FGF14: variants seen among roughly 807,000 people sequenced by gnomAD.
The protein encoded by FGF14 is fibroblast growth factor homologous factor 4.
FGF14 carries 5 observed loss-of-function variants against 25.5 expected under a neutral mutation model. The observed-to-expected ratio is 0.20, with a 90% CI of 0.10 to 0.41. The LOEUF is 0.41. FGF14 is among the 10% of genes least tolerant of loss of function. The pLI is 1.00. For synonymous variants in FGF14, 138 were observed against 118.3 expected, an observed-to-expected ratio of 1.17 and a Z score of -1.08; for missense variants, 222 against 320.1, an observed-to-expected ratio of 0.69 and a Z score of 2.34.
intron 3 of FGF14, among the ~76,000 whole-genome samples, chr13:101,859,559 C>G (rs1566328603): frequency 6.6e-6 from 1 of 152,094 alleles, no homozygotes; most frequent in Non-Finnish European, 1.5e-5. Flanking sequence ...ATACCAAGAG[C>G]TCTACTCCTC....
chr13:101,971,694 T>C (rs1566514618), intron 1 of FGF14, among the ~76,000 whole-genome samples: 1 of 152,196 alleles, frequency 6.6e-6, no homozygotes, highest in South Asian at 2.1e-4. Flanking sequence ...TTTGAAGTAG[T>C]TATTATCACT....
chr13:101,925,557 T>C (rs1439859460), intron 1 of FGF14, among the ~76,000 whole-genome samples: 12 of 152,218 alleles, frequency 7.9e-5, no homozygotes, highest in Non-Finnish European at 1.5e-5. Flanking sequence ...TGTAATCTAC[T>C]TCTAAAAGAT....
chr13:102,193,169 C>A (rs981920977), intron 1 of FGF14, among the ~76,000 whole-genome samples: 1 of 152,088 alleles, frequency 6.6e-6, no homozygotes, highest in African/African-American at 2.4e-5. Flanking sequence ...TCTCACAGTC[C>A]TGGAGGGCAG....
intron 1 of FGF14, among the ~76,000 whole-genome samples, chr13:102,374,591 T>G (rs2057979930): frequency 2.2e-5 from 3 of 139,184 alleles, no homozygotes; most frequent in African/African-American, 7.7e-5. Flanking sequence ...AAAAGTAAAT[T>G]TTAAAGTTTC....
intron 1 of FGF14, among the ~76,000 whole-genome samples, chr13:101,885,694 G>A (rs1370086964): frequency 5.5e-5 from 8 of 146,610 alleles, no homozygotes; most frequent in African/African-American, 2.1e-4. Context: ...ATGTGGCACA[G>A]GCCTCTGAAA....
intron 1 of FGF14, among the ~76,000 whole-genome samples, chr13:102,125,166 A>G (rs529910270): frequency 5.8e-4 from 89 of 152,250 alleles, no homozygotes; most frequent in African/African-American, 2.0e-3. Context: ...CACTTGATCA[A>G]CTTTTCCCAT....
chr13:101,979,030 C>A (rs144024810), intron 1 of FGF14, among the ~76,000 whole-genome samples: 1 of 152,180 alleles, frequency 6.6e-6, no homozygotes. Flanking sequence ...TCACCTTAAA[C>A]CCTTTCCCTA....
chr13:102,155,894 A>T lies in FGF14; in HGVS notation c.208+245577T>A, dbSNP rs2047310395. Among the ~76,000 whole-genome samples, 6 of 152,326 alleles carry T rather than the reference A, an allele frequency of 3.9e-5. No individual in the cohort carries two copies. In the South Asian group the frequency reaches 1.2e-3, roughly 32 times the overall value. On this transcript the variant is annotated intron_variant, in intron 1 of 4. Coordinates refer to the FGF14 transcript ENST00000376131. The stretch of plus-strand genomic sequence containing the variant: ...TACTATAAACACCTCTACACAAATA[A>T]ACTAGAAAATCTAGAAGAAATGGAT...
At chr13:102,285,646 G>C (rs2054058623) in intron 1 of FGF14, among the ~76,000 whole-genome samples, 1 of 152,134 alleles carries the variant, frequency 6.6e-6, no homozygotes, top group African/African-American at 2.4e-5. Flanking sequence ...AAATGGATAA[G>C]ATAAATCTCT....
intron 1 of FGF14, among the ~76,000 whole-genome samples, chr13:102,244,466 A>G (rs2072100027): frequency 6.6e-6 from 1 of 151,458 alleles, no homozygotes; most frequent in African/African-American, 2.4e-5. Context: ...TTTAAATGAA[A>G]AAAAAAAAAC....
intron 1 of FGF14, among the ~76,000 whole-genome samples, chr13:102,147,996 T>C (rs1006226894): frequency 6.6e-6 from 1 of 152,236 alleles, no homozygotes; most frequent in Admixed American, 6.5e-5. Flanking sequence ...CAATTTCCCA[T>C]ACCTGGAAGG....
At chr13:102,013,457 T>C (rs1417318299) in intron 1 of FGF14, among the ~76,000 whole-genome samples, 1 of 152,216 alleles carries the variant, frequency 6.6e-6, no homozygotes, top group Non-Finnish European at 1.5e-5. Context: ...TCAAATGGTA[T>C]TTTAGGTTTC....
At chr13:102,006,032 G>T (rs180676779) in intron 1 of FGF14, among the ~76,000 whole-genome samples, 11 of 152,288 alleles carry the variant, frequency 7.2e-5, no homozygotes, top group Non-Finnish European at 1.6e-4. Flanking sequence ...TTCTCCAGTT[G>T]TCTATCTACC....
chr13:102,272,805 A>G (rs1195755477), intron 1 of FGF14, among the ~76,000 whole-genome samples: 2 of 152,138 alleles, frequency 1.3e-5, no homozygotes. Context: ...ATTGAGGGCC[A>G]GAGTTTGAAT....
At chr13:102,228,112 CT>C (rs2050910938) in intron 1 of FGF14, among the ~76,000 whole-genome samples, 1 of 152,142 alleles carries the variant, frequency 6.6e-6, no homozygotes. Context: ...GAAACATGCT[CT>C]TTTGATTTCT....
chr13:102,191,403 T>C (rs766668539), intron 1 of FGF14, among the ~76,000 whole-genome samples: 13 of 152,214 alleles, frequency 8.5e-5, no homozygotes, highest in Non-Finnish European at 1.5e-4. Flanking sequence ...GTGAAGTTTT[T>C]GTAAAGCCTC....
At chr13:101,763,863 AAAAC>A (rs555541607) in intron 3 of FGF14, among the ~76,000 whole-genome samples, 11 of 152,106 alleles carry the variant, frequency 7.2e-5, no homozygotes, top group Admixed American at 1.3e-4. Flanking sequence ...TCTGTCTCAA[AAAAC>A]AAACAAACAA....
intron 1 of FGF14, among the ~76,000 whole-genome samples, chr13:102,244,988 C>T (rs1446406517): frequency 6.6e-6 from 1 of 152,122 alleles, no homozygotes; most frequent in African/African-American, 2.4e-5. Context: ...AAACTACTAA[C>T]TACCTCTAAT....
At chr13:102,401,849 T>C (rs2058709468), upstream of FGF14, 8 of 653,078 alleles carry the variant, frequency 1.2e-5, no homozygotes, top group East Asian at 2.2e-4. Context: ...TTTTTCAGCA[T>C]GAAGCCAAAC....
Sources: allele counts gnomAD v4.1 joint callset (sites outside exome capture counted in the v4.1 genomes callset), GRCh38; gene constraint gnomAD v4.1.1; transcripts MANE v1.5; gene names NCBI Gene and HGNC (gene_info 2026-07-23, HGNC 2026-07-21).